Variants in CXADR observed in about 807,000 individuals in gnomAD.
CXADR encodes CXADR cell adhesion molecule.
Under a neutral mutation model 40.3 loss-of-function variants are expected in CXADR, and 20 were observed. That is an observed-to-expected ratio of 0.50 (90% CI 0.35 to 0.72). The LOEUF is 0.72. Among genes scored for constraint, CXADR ranks in the 30% least tolerant of loss-of-function variants. CXADR has a pLI of 0.01. For missense variants in CXADR, 332 were observed against 449.1 expected (o/e 0.74, Z 2.36); for synonymous variants, 150 against 161.3 (o/e 0.93, Z 0.53).
chr21:17,596,166 A>T (rs896266474), downstream of CXADR, among the ~76,000 whole-genome samples: 26 of 152,034 alleles, frequency 1.7e-4, 1 homozygote, highest in African/African-American at 4.3e-4. Flanking sequence ...GAGCGATTTT[A>T]AAAAAAGTAT....
intron 1 of CXADR, among the ~76,000 whole-genome samples, chr21:17,518,235 T>G (rs2060485512): frequency 6.6e-6 from 1 of 151,872 alleles, no homozygotes; most frequent in Admixed American, 6.6e-5. Flanking sequence ...CACACATACA[T>G]AAGCAAACAT....
At chr21:17,600,900 A>G in the CXADR span, among the ~76,000 whole-genome samples, 1 of 152,174 alleles carries the variant, frequency 6.6e-6, no homozygotes, top group African/African-American at 2.4e-5. Context: ...GCGGTGGCTC[A>G]TGCCTGTAAT....
the CXADR span, among the ~76,000 whole-genome samples, chr21:17,619,975 A>T: frequency 2.8e-4 from 42 of 152,270 alleles, no homozygotes; most frequent in African/African-American, 9.6e-4. Context: ...GCTTTGGCAT[A>T]AGGGAATGTT....
rs189942620 is a variant in CXADR at position 17,541,474 on chromosome 21, C to T, written c.44-5553C>T. Among the ~76,000 whole-genome samples the T allele has an allele frequency of 6.3e-3, 952 of 152,062 alleles. 6 individuals are homozygous for T. Among genetic ancestry groups the T allele is most frequent in the South Asian group, 0.012 (59 of 4,816 alleles). ...CGGGAGGCTTGAGGCAGGAGAATGG[C>T]GTGAACCTGGGAGACGGAGCTTGCA... On this transcript the variant is annotated intron_variant, in intron 1 of 6. Coordinates refer to ENST00000284878, the MANE Select transcript of CXADR (RefSeq NM_001338.5).
intron 7 of CXADR, among the ~76,000 whole-genome samples, chr21:17,591,643 A>C (rs2061435822): frequency 6.6e-6 from 1 of 152,022 alleles, no homozygotes; most frequent in Non-Finnish European, 1.5e-5. Context: ...TATAAAATTT[A>C]GAGCTTTGCA....
chr21:17,538,321 G>T (rs941853318), intron 1 of CXADR, among the ~76,000 whole-genome samples: 3 of 152,140 alleles, frequency 2.0e-5, no homozygotes, highest in Non-Finnish European at 4.4e-5. Context: ...CTTACACTGT[G>T]CTCGTGCTGA....
At chr21:17,592,082 TCC>T (rs943727682) in intron 7 of CXADR, among the ~76,000 whole-genome samples, 6 of 152,090 alleles carry the variant, frequency 3.9e-5, no homozygotes, top group African/African-American at 1.4e-4. Flanking sequence ...ACTAGTGGTT[TCC>T]CCAAGAGGCC....
At chr21:17,619,650 G>A in the CXADR span, among the ~76,000 whole-genome samples, 6 of 151,866 alleles carry the variant, frequency 4.0e-5, no homozygotes, top group Middle Eastern at 0.014. Flanking sequence ...CTGAAGTGAG[G>A]CATTGACTTC....
At chr21:17,572,757 GA>G (rs10715827), downstream of CXADR, among the ~76,000 whole-genome samples, 115,481 of 145,844 alleles carry the variant, frequency 0.79, 45,154 homozygotes, top group East Asian at 0.95. Context: ...TAGTGTGGTT[GA>G]AAAAAAAAAT....
At chr21:17,540,275 T>C (rs774759062) in intron 1 of CXADR, among the ~76,000 whole-genome samples, 1 of 152,170 alleles carries the variant, frequency 6.6e-6, no homozygotes, top group East Asian at 1.9e-4. Context: ...ATTCAACATA[T>C]GAATTTTGGG....
At chr21:17,514,246 C>T (rs975901771) in intron 1 of CXADR, among the ~76,000 whole-genome samples, 5 of 151,820 alleles carry the variant, frequency 3.3e-5, no homozygotes, top group Non-Finnish European at 7.4e-5. Flanking sequence ...ATCTAGTGGC[C>T]CTTTCTGTTG....
intron 1 of CXADR, among the ~76,000 whole-genome samples, chr21:17,535,491 T>C (rs1000291979): frequency 2.0e-5 from 3 of 152,152 alleles, no homozygotes; most frequent in African/African-American, 7.2e-5. Flanking sequence ...GGGTGAGCCA[T>C]ATTATTGTGT....
Position 17,568,268 on chromosome 21 carries a change from A to G in CXADR, c.*2576A>G, listed in dbSNP as rs2061238791. The G allele has an allele frequency of 2.5e-6, 2 of 808,748 alleles. No individual in the cohort carries two copies. Among genetic ancestry groups the G allele is most frequent in the East Asian group, 1.3e-4 (1 of 7,916 alleles). The allele number at this position is 808,748 out of a possible 1,614,324, so 50.1% of individuals were successfully genotyped here. Reference sequence around the variant, plus strand: ...CTCAGCCTCCCGAGCAGCTGGGACTACAGGCTCCCATCACCACGCTCGGCT... The same window carrying G: ...CTCAGCCTCCCGAGCAGCTGGGACTGCAGGCTCCCATCACCACGCTCGGCT... On this transcript the variant is annotated 3_prime_UTR_variant, in exon 7 of 7. Coordinates refer to ENST00000284878, the MANE Select transcript of CXADR (RefSeq NM_001338.5).
chr21:17,561,528 C>A lies in CXADR; in HGVS notation c.833+52C>A, dbSNP rs567772789. On this transcript the variant is annotated intron_variant, in intron 6 of 6. Coordinates refer to ENST00000284878, the MANE Select transcript of CXADR (RefSeq NM_001338.5). The stretch of plus-strand genomic sequence containing the variant: ...GATGTATACCAAATATATGTCATTT[C>A]TCTAAAGCATTCGTTCTCTTATTAA... The A allele has an allele frequency of 7.4e-6, 11 of 1,494,452 alleles. No homozygotes were observed. The South Asian group carries it at 1.4e-4, about 19-fold the overall frequency. 92.6% of individuals were successfully genotyped at this position (1,494,452 alleles called of 1,614,324 possible). A position where few individuals can be genotyped will look rare whatever the true frequency, so the allele number is the denominator to read the frequency against.
intron 7 of CXADR, among the ~76,000 whole-genome samples, chr21:17,592,954 CAAT>C (rs999807542): frequency 1.7e-4 from 26 of 151,820 alleles, no homozygotes; most frequent in African/African-American, 6.0e-4. Context: ...CTAAAAATAA[CAAT>C]AATTTGTGGA....
At chr21:17,559,404 C>G (rs1358776815) in intron 4 of CXADR, among the ~76,000 whole-genome samples, 1 of 151,894 alleles carries the variant, frequency 6.6e-6, no homozygotes, top group Non-Finnish European at 1.5e-5. Context: ...GTGCTGGTCT[C>G]AAACTCCTGG....
At chr21:17,622,916 G>A in the CXADR span, among the ~76,000 whole-genome samples, 1 of 152,138 alleles carries the variant, frequency 6.6e-6, no homozygotes, top group African/African-American at 2.4e-5. Flanking sequence ...TTCAATATGG[G>A]TGTGTAGCTT....
At chr21:17,552,823 C>G (rs2060986347) in intron 3 of CXADR, among the ~76,000 whole-genome samples, 1 of 152,120 alleles carries the variant, frequency 6.6e-6, no homozygotes, top group African/African-American at 2.4e-5. Flanking sequence ...CAGGGCAGGC[C>G]TCCCACATCA....
the CXADR span, among the ~76,000 whole-genome samples, chr21:17,629,147 A>C: frequency 6.6e-6 from 1 of 152,136 alleles, no homozygotes; most frequent in African/African-American, 2.4e-5. Flanking sequence ...TGGGAGGCCG[A>C]GGTGGGCCGA....
Sources: allele counts gnomAD v4.1 joint callset (sites outside exome capture counted in the v4.1 genomes callset), GRCh38; gene constraint gnomAD v4.1.1; transcripts MANE v1.5; gene names NCBI Gene and HGNC (gene_info 2026-07-23, HGNC 2026-07-21).